The following PEPD variants were observed in gnomAD, a reference collection of about 807,000 sequenced individuals.
PEPD encodes peptidase D, also known as xaa-Pro dipeptidase.
In PEPD, 53 loss-of-function variants were observed where a neutral mutation model predicts 60.7. The ratio of observed to expected loss-of-function variants is 0.87; its 90% CI spans 0.70 to 1.10. The LOEUF is 1.10. Among genes scored for constraint, PEPD ranks in the 50% least tolerant of loss-of-function variants. The probability of loss-of-function intolerance (pLI) is 0.00; values close to 1 mark genes in which losing one functional copy is unlikely to be tolerated. For missense variants in PEPD, 711 were observed against 711.9 expected (o/e 1.00, Z 0.01); for synonymous variants, 267 against 284.1 (o/e 0.94, Z 0.60).
intron 12 of PEPD, among the ~76,000 whole-genome samples, chr19:33,394,819 G>C (rs1003794069): frequency 3.9e-5 from 6 of 152,290 alleles, no homozygotes; most frequent in African/African-American, 2.4e-5. Flanking sequence ...TTGGGCACCA[G>C]CTGCCCTGCG....
chr19:33,491,095 A>T (rs2145318790), intron 5 of PEPD, among the ~76,000 whole-genome samples: 1 of 152,330 alleles, frequency 6.6e-6, no homozygotes, highest in East Asian at 1.9e-4. Flanking sequence ...ATAGCCATCA[A>T]GACAGTAAAG....
chr19:33,404,103 G>C (rs1017173119), intron 11 of PEPD, among the ~76,000 whole-genome samples: 4 of 152,232 alleles, frequency 2.6e-5, no homozygotes, highest in African/African-American at 7.2e-5. Flanking sequence ...TTAGGTCCTG[G>C]CGGCAGTGCT....
At chr19:33,493,964 T>C (rs7255408) in intron 4 of PEPD, among the ~76,000 whole-genome samples, 39,288 of 152,172 alleles carry the variant, frequency 0.26, 5,249 homozygotes, top group Non-Finnish European at 0.29. Context: ...CCAGCTCTTA[T>C]CTCTCCCTGA....
chr19:33,391,490 G>C lies in PEPD; in HGVS notation c.968-11C>G, dbSNP rs1235131858. 1.3e-6 allele frequency: 2 copies of C among 1,548,534 alleles called. No homozygotes were observed. The highest frequency in any genetic ancestry group is 2.4e-5 in the East Asian group (1 of 40,918). ...CAGGCCACCAGACACCTGTGGGCCA[G>C]AGGGAGCTGCCGTGAGCCACAGAGC... On this transcript the variant is annotated splice_polypyrimidine_tract_variant and intron_variant, in intron 12 of 14. Transcript: ENST00000244137.
chr19:33,467,193 A>T (rs1216914834), intron 7 of PEPD, among the ~76,000 whole-genome samples: 1 of 151,674 alleles, frequency 6.6e-6, no homozygotes, highest in African/African-American at 2.4e-5. Flanking sequence ...AGAAAAAGAA[A>T]AACAGTTTAT....
At chr19:33,490,811 G>A (rs1258947579) in intron 5 of PEPD, among the ~76,000 whole-genome samples, 1 of 151,948 alleles carries the variant, frequency 6.6e-6, no homozygotes, top group African/African-American at 2.4e-5. Flanking sequence ...TTACAGGTGC[G>A]CACCACCATG....
intron 13 of PEPD, chr19:33,388,547 T>G: frequency 3.5e-6 from 1 of 284,008 alleles, no homozygotes; most frequent in Non-Finnish European, 7.1e-6. Context: ...CCAGAAGTCG[T>G]GGTCCCAGCT....
At position 33,479,748 on chromosome 19, in the gene PEPD, A is replaced by G. The variant is rs962644593; in HGVS notation, c.504-1658T>C. Among the ~76,000 whole-genome samples the G allele has an allele frequency of 2.0e-5, 3 of 152,302 alleles. No homozygotes were observed. In the East Asian group the frequency reaches 5.8e-4, roughly 29 times the overall value. ...CATCCATGTTCTTGCAAAGGACATGATCTCATTCTTTTTTATGGTTGCATA... is the reference window on the plus strand; with the variant it reads ...CATCCATGTTCTTGCAAAGGACATGGTCTCATTCTTTTTTATGGTTGCATA... On this transcript the variant is annotated intron_variant, in intron 6 of 14. Transcript: ENST00000244137.
chr19:33,497,516 C>A (rs1568502810), intron 4 of PEPD, among the ~76,000 whole-genome samples: 1 of 152,250 alleles, frequency 6.6e-6, no homozygotes, highest in Admixed American at 6.5e-5. Context: ...ACCTCGGAGC[C>A]AGCTGTGCCC....
intron 9 of PEPD, among the ~76,000 whole-genome samples, chr19:33,414,213 G>A (rs150248975): frequency 1.3e-5 from 2 of 152,294 alleles, no homozygotes; most frequent in African/African-American, 4.8e-5. Context: ...GGCAAGGCCT[G>A]GGGCACACAT....
intron 9 of PEPD, among the ~76,000 whole-genome samples, chr19:33,438,053 G>A (rs951270233): frequency 6.6e-6 from 1 of 152,216 alleles, no homozygotes; most frequent in Non-Finnish European, 1.5e-5. Context: ...GAGAGCCACG[G>A]GCAATTCTCC....
intron 6 of PEPD, among the ~76,000 whole-genome samples, chr19:33,480,813 CGTGTGTGTGTGT>C (rs67751032): frequency 3.9e-5 from 5 of 127,748 alleles, no homozygotes; most frequent in South Asian, 2.4e-4. Context: ...ATATATATAG[CGTGTGTGTGTGT>C]GTGTGTGTGT....
chr19:33,490,990 C>A (rs533242782), intron 5 of PEPD, among the ~76,000 whole-genome samples: 13 of 152,044 alleles, frequency 8.6e-5, no homozygotes, highest in African/African-American at 2.9e-4. Context: ...ATCACCATTT[C>A]TTTACCCAGA....
rs750985093 is a variant in PEPD at position 33,500,928 on chromosome 19, G to A, written c.393+10C>T. On this transcript the variant is annotated intron_variant, in intron 4 of 14. Transcript: ENST00000244137. ...CCCTGGGCTGCTCAGAGGAGGAGCC[G>A]GCTACCCACCTCATCTACGTACTGG... 2.2e-5 allele frequency: 34 copies of A among 1,553,340 alleles called. No homozygotes were observed. In the Admixed American group the frequency reaches 3.2e-4, roughly 14 times the overall value.
chr19:33,456,367 G>A (rs1160901047), intron 9 of PEPD, among the ~76,000 whole-genome samples: 1 of 152,164 alleles, frequency 6.6e-6, no homozygotes, highest in Non-Finnish European at 1.5e-5. Flanking sequence ...GAAGGGCTCA[G>A]CTTAAATCCC....
chr19:33,392,589 G>A (rs1446224984), intron 12 of PEPD, among the ~76,000 whole-genome samples: 2 of 152,198 alleles, frequency 1.3e-5, no homozygotes, highest in African/African-American at 2.4e-5. Context: ...GGCTGGAGAG[G>A]GCGCCCAGCA....
At chr19:33,480,931 G>A (rs1970303634) in intron 6 of PEPD, among the ~76,000 whole-genome samples, 1 of 151,844 alleles carries the variant, frequency 6.6e-6, no homozygotes, top group African/African-American at 2.4e-5. Flanking sequence ...CATTCTCCAG[G>A]ATACACTTTA....
In PEPD at chr19:33,391,321, C is replaced by T. The variant is rs374603111; in HGVS notation, c.1126G>A (p.Val376Met). 1.4e-5 allele frequency: 23 copies of T among 1,611,848 alleles called. No individual in the cohort carries two copies. The highest frequency in any genetic ancestry group is 1.6e-4 in the Middle Eastern group (1 of 6,078). The change falls in exon 13 of 15, where the codon GTG becomes ATG. Residue 376 changes from valine (V) to methionine (M), a missense_variant. By Grantham distance (21) the Val-to-Met change is conservative. Coordinates refer to ENST00000244137, the MANE Select transcript of PEPD (RefSeq NM_000285.4). The stretch of plus-strand genomic sequence containing the variant: ...TCTGGGTAGCCTCCCACGTCGTGCA[C>T]GTCAATGCCCAGGAAGTGGCCAAGC... The part of the protein sequence containing the change: ...HGLGHFLGID[V>M]HDVGGYPEGV...
intron 9 of PEPD, among the ~76,000 whole-genome samples, chr19:33,430,639 T>G (rs1969250283): frequency 6.6e-6 from 1 of 152,242 alleles, no homozygotes; most frequent in Admixed American, 6.5e-5. Context: ...TACTGGCATA[T>G]GTATCTTTTT....
Sources: gnomAD v4.1 joint callset for allele counts (sites outside exome capture counted in the v4.1 genomes callset) on GRCh38, gnomAD v4.1.1 for gene constraint, MANE v1.5 for transcripts, NCBI Gene and HGNC (gene_info 2026-07-23, HGNC 2026-07-21) for gene names.